The following SUGCT variants were observed in gnomAD, a reference collection of about 807,000 sequenced individuals.
The protein encoded by SUGCT is succinyl-CoA:glutarate-CoA transferase.
Under a neutral mutation model 55.0 loss-of-function variants are expected in SUGCT, and 41 were observed. That is an observed-to-expected ratio of 0.74 (90% CI 0.58 to 0.97). The LOEUF (loss-of-function observed/expected upper bound fraction) is 0.97, where lower values mean the gene tolerates loss of function less well. SUGCT is among the 50% of genes least tolerant of loss of function. The probability of loss-of-function intolerance (pLI) is 0.00; values close to 1 mark genes in which losing one functional copy is unlikely to be tolerated. For missense variants in SUGCT, 568 were observed against 547.8 expected (o/e 1.04, Z -0.37); for synonymous variants, 187 against 200.4 (o/e 0.93, Z 0.56).
intron 12 of SUGCT, among the ~76,000 whole-genome samples, chr7:40,678,390 A>G (rs772595205): frequency 4.6e-5 from 7 of 152,154 alleles, no homozygotes; most frequent in Non-Finnish European, 7.3e-5. Context: ...ATGAAGGAAG[A>G]AGATCCTTGA....
chr7:40,931,449 G>C, the SUGCT span, among the ~76,000 whole-genome samples: 1 of 152,170 alleles, frequency 6.6e-6, no homozygotes, highest in South Asian at 2.1e-4. Context: ...AATGAGTTAG[G>C]AAGGATTCCC....
chr7:40,684,399 A>G (rs1050699693), intron 12 of SUGCT, among the ~76,000 whole-genome samples: 5 of 152,200 alleles, frequency 3.3e-5, no homozygotes, highest in African/African-American at 1.2e-4. Flanking sequence ...CTCTCTTTAA[A>G]AAGCCTTCCT....
At chr7:40,427,749 G>A (rs762917857) in intron 9 of SUGCT, among the ~76,000 whole-genome samples, 5 of 152,122 alleles carry the variant, frequency 3.3e-5, no homozygotes, top group South Asian at 2.1e-4. Flanking sequence ...GAGGCCTTCC[G>A]ATTGTAATGC....
intron 8 of SUGCT, among the ~76,000 whole-genome samples, chr7:40,276,117 G>T (rs1282866036): frequency 2.6e-5 from 4 of 152,126 alleles, no homozygotes; most frequent in Non-Finnish European, 5.9e-5. Flanking sequence ...CATCAATATG[G>T]TTGAAAATGA....
chr7:40,993,171 G>A, the SUGCT span, among the ~76,000 whole-genome samples: 2 of 152,002 alleles, frequency 1.3e-5, no homozygotes, highest in African/African-American at 4.8e-5. Context: ...TGGACCTCTT[G>A]GGTTAAAATG....
chr7:40,501,453 T>C (rs576605143), intron 12 of SUGCT, among the ~76,000 whole-genome samples: 19 of 152,284 alleles, frequency 1.2e-4, no homozygotes, highest in Admixed American at 4.6e-4. Flanking sequence ...GAGGAAATGT[T>C]AAAATGTCGA....
chr7:41,014,399 T>C, the SUGCT span, among the ~76,000 whole-genome samples: 1 of 152,178 alleles, frequency 6.6e-6, no homozygotes, highest in African/African-American at 2.4e-5. Flanking sequence ...GTTAGATATT[T>C]TTATTAATTT....
At chr7:40,727,121 CT>C (rs921650060) in intron 12 of SUGCT, among the ~76,000 whole-genome samples, 6 of 152,116 alleles carry the variant, frequency 3.9e-5, no homozygotes, top group African/African-American at 7.2e-5. Context: ...AAGGCAGTTA[CT>C]TTTTCTCTAT....
At chr7:40,512,824 G>A (rs933757628) in intron 12 of SUGCT, among the ~76,000 whole-genome samples, 5 of 152,136 alleles carry the variant, frequency 3.3e-5, no homozygotes, top group African/African-American at 4.8e-5. Flanking sequence ...GTGCAGATGA[G>A]AGATAGTGAG....
At chr7:40,319,715 C>T (rs1795623150) in intron 9 of SUGCT, among the ~76,000 whole-genome samples, 1 of 152,144 alleles carries the variant, frequency 6.6e-6, no homozygotes, top group South Asian at 2.1e-4. Context: ...CTTTGGCTGC[C>T]AGCTTTTTAA....
At chr7:40,209,934 T>C (rs1019541304) in intron 6 of SUGCT, among the ~76,000 whole-genome samples, 6 of 152,224 alleles carry the variant, frequency 3.9e-5, no homozygotes, top group African/African-American at 1.4e-4. Context: ...AGTTCCATCA[T>C]GTTTCTTACA....
intron 12 of SUGCT, among the ~76,000 whole-genome samples, chr7:40,575,652 A>G (rs894725490): frequency 2.6e-5 from 4 of 152,044 alleles, no homozygotes; most frequent in African/African-American, 9.7e-5. Context: ...TGAAGAGTTA[A>G]GAGTTATCTG....
intron 7 of SUGCT, among the ~76,000 whole-genome samples, chr7:40,241,570 C>T (rs1015482000): frequency 2.8e-5 from 4 of 145,042 alleles, no homozygotes; most frequent in Non-Finnish European, 6.0e-5. Flanking sequence ...GAAAGAGAGA[C>T]TCTGTCTCAA....
At chr7:40,209,983 C>T (rs968889616) in intron 6 of SUGCT, among the ~76,000 whole-genome samples, 5 of 152,140 alleles carry the variant, frequency 3.3e-5, no homozygotes, top group African/African-American at 1.2e-4. Context: ...TGGGACAAAT[C>T]TTCACCTTAG....
At chr7:40,155,949 C>T (rs979953220) in intron 1 of SUGCT, among the ~76,000 whole-genome samples, 37 of 151,884 alleles carry the variant, frequency 2.4e-4, no homozygotes, top group Admixed American at 1.2e-3. Context: ...CCTCCACCTC[C>T]GGGGTTCAAG....
At chr7:40,716,758 C>G (rs1363576873) in intron 12 of SUGCT, among the ~76,000 whole-genome samples, 2 of 152,022 alleles carry the variant, frequency 1.3e-5, no homozygotes, top group African/African-American at 4.8e-5. Flanking sequence ...AATACTAAAA[C>G]TTCTCTGTAT....
chr7:40,610,190 G>T (rs998386103), intron 12 of SUGCT, among the ~76,000 whole-genome samples: 2 of 152,232 alleles, frequency 1.3e-5, no homozygotes, highest in African/African-American at 4.8e-5. Flanking sequence ...TGGAAGGGAA[G>T]TGTGAAGGAA....
intron 7 of SUGCT, among the ~76,000 whole-genome samples, chr7:40,251,617 A>G (rs1365169416): frequency 6.6e-6 from 1 of 152,178 alleles, no homozygotes; most frequent in South Asian, 2.1e-4. Context: ...GTACGTGGCA[A>G]ATCCTGGCAG....
rs140559038 is a variant in SUGCT, at chr7:40,717,342, A to G, written c.1090-32092A>G. On this transcript the variant is annotated intron_variant, in intron 12 of 13. Transcript: ENST00000335693. ...AGGAAAACGAACCAAAGCAAGAGAG[A>G]GCCCTGCTAGCAGCTTTTCTGACTC... Among the ~76,000 whole-genome samples, 664 of 152,322 alleles carry G rather than the reference A, an allele frequency of 4.4e-3. 7 individuals are homozygous for G. The highest frequency in any genetic ancestry group is 0.015 in the African/African-American group (637 of 41,564).
Sources: allele counts gnomAD v4.1 joint callset (sites outside exome capture counted in the v4.1 genomes callset), GRCh38; gene constraint gnomAD v4.1.1; transcripts MANE v1.5; gene names NCBI Gene and HGNC (gene_info 2026-07-23, HGNC 2026-07-21).